ZNF276: variants seen among roughly 807,000 people sequenced by gnomAD.
The protein encoded by ZNF276 is zinc finger protein 276.
Under a neutral mutation model 63.9 loss-of-function variants are expected in ZNF276, and 59 were observed. That is an observed-to-expected ratio of 0.92 (90% CI 0.75 to 1.15). The LOEUF (loss-of-function observed/expected upper bound fraction) is 1.15. Among genes scored for constraint, ZNF276 ranks in the 50% most tolerant of loss-of-function variants. The pLI is 0.00. For synonymous variants in ZNF276, 496 were observed against 348.4 expected (o/e 1.42, Z -4.72); for missense variants, 1,084 against 843.8 (o/e 1.28, Z -3.53).
At chr16:89,721,496 C>A (rs961028105), upstream of ZNF276, 2 of 825,750 alleles carry the variant, frequency 2.4e-6, no homozygotes, top group Middle Eastern at 8.2e-4. Flanking sequence ...CCCTGGCCCG[C>A]CCCGCCCGCC....
chr16:89,736,880 G>A (rs2061931295), intron 9 of ZNF276, among the ~76,000 whole-genome samples: 1 of 151,388 alleles, frequency 6.6e-6, no homozygotes, highest in South Asian at 2.1e-4. Context: ...ACTCCAGCCT[G>A]GGCAACAGAG....
At chr16:89,733,587 C>A (rs374074064) in intron 8 of ZNF276, 30 bp downstream of exon 8, 1 of 1,611,816 alleles carries the variant, frequency 6.2e-7, no homozygotes, top group Admixed American at 1.7e-5. Flanking sequence ...GACCCAGGCC[C>A]GGCAGCTGTC....
intron 6 of ZNF276, among the ~76,000 whole-genome samples, chr16:89,731,327 C>G (rs2061643390): frequency 1.3e-5 from 2 of 152,208 alleles, no homozygotes; most frequent in Non-Finnish European, 2.9e-5. Flanking sequence ...GATCTTGGCT[C>G]ACTGCAACCT....
At chr16:89,736,636 AT>A (rs1181233419) in intron 9 of ZNF276, among the ~76,000 whole-genome samples, 3 of 151,294 alleles carry the variant, frequency 2.0e-5, no homozygotes, top group African/African-American at 7.3e-5. Flanking sequence ...GGCCCCCCAA[AT>A]TTTTTAAATT....
In ZNF276 at chr16:89,739,333, A is replaced by C; in HGVS notation, c.*1087A>C. 1 of 1,612,042 alleles carries C rather than the reference A, an allele frequency of 6.2e-7. No homozygotes were observed. The highest frequency in any genetic ancestry group is 1.1e-5 in the South Asian group (1 of 90,956). On this transcript the variant is annotated 3_prime_UTR_variant, in exon 11 of 11. Coordinates refer to ENST00000443381, the MANE Select transcript of ZNF276 (RefSeq NM_001113525.2). ...TGACAAATGGCTACAGACTGCTGGA[A>C]AGGTAGCAGGTGATGCCAAGGGATA... is the stretch of plus-strand genomic sequence containing the variant.
rs142919010 is a variant in ZNF276 at position 89,740,078 on chromosome 16, C to T, written c.*1832C>T. On this transcript the variant is annotated 3_prime_UTR_variant, in exon 11 of 11. Coordinates refer to ENST00000443381, the MANE Select transcript of ZNF276 (RefSeq NM_001113525.2). Reference sequence around the variant, plus strand: ...AGGATTGCTGCACAAACGTGGAAAGCCTTTGGCAGGTCTGTGGTGCTCTGT... The same window carrying T: ...AGGATTGCTGCACAAACGTGGAAAGTCTTTGGCAGGTCTGTGGTGCTCTGT... 82 of 1,614,154 alleles carry T rather than the reference C, an allele frequency of 5.1e-5. No individual in the cohort carries two copies. The African/African-American group carries it at 9.1e-4, about 18-fold the overall frequency.
intron 6 of ZNF276, chr16:89,732,111 A>G (rs1055105933): frequency 6.6e-6 from 1 of 152,114 alleles, no homozygotes; most frequent in Admixed American, 6.6e-5. Context: ...TGTTCTTGAG[A>G]TATTTCCTTA....
chr16:89,722,806 C>T lies in ZNF276; in HGVS notation c.481C>T (p.Pro161Ser). 6.2e-7 allele frequency: 1 copy of T among 1,605,306 alleles called. No homozygotes were observed. Among genetic ancestry groups the T allele is most frequent in the Non-Finnish European group, 8.5e-7 (1 of 1,179,910 alleles). Reference protein sequence around the residue: ...KSFLQRVNASPAGRRKPCAKV... With the variant: ...KSFLQRVNASSAGRRKPCAKV... ...CTTCCTGCAGAGGGTCAACGCCTCC[C>T]CGGCTGGTCGCCGGAAGCCTTGTGC... The change falls in exon 2 of 11, where the codon CCG (proline) becomes TCG (serine). Residue 161 changes from proline (P) to serine (S), a missense_variant. Coordinates refer to ENST00000443381, the MANE Select transcript of ZNF276 (RefSeq NM_001113525.2).
Position 89,737,810 on chromosome 16 carries a change from G to A in ZNF276, c.1479G>A (p.Val493=), listed in dbSNP as rs757278617. ...QRHVKLIHTE[V]RNYICDECGQ... ...CACTGGACTCTCCCCTCTCAGAGGT[G>A]CGGAACTATATCTGTGACGAATGTG... is the stretch of plus-strand genomic sequence containing the variant. Residue 493 remains valine (V), a synonymous_variant, in exon 10 of 11, where the codon GTG becomes GTA. Coordinates refer to ENST00000443381, the MANE Select transcript of ZNF276 (RefSeq NM_001113525.2). 2 of 1,614,184 alleles carry A rather than the reference G, an allele frequency of 1.2e-6. No homozygotes were observed. The highest frequency in any genetic ancestry group is 1.7e-6 in the Non-Finnish European group (2 of 1,180,028).
chr16:89,720,537 C>A (rs565463571), upstream of ZNF276: 91 of 1,166,608 alleles, frequency 7.8e-5, no homozygotes, highest in South Asian at 3.4e-3. Flanking sequence ...ACCGGCTCAG[C>A]GAGCGGAGTG....
chr16:89,740,746 G>T lies in ZNF276; in HGVS notation c.*2500G>T. 1 of 1,477,222 alleles carries T rather than the reference G, an allele frequency of 6.8e-7. No homozygotes were observed. The highest frequency in any genetic ancestry group is 9.4e-7 in the Non-Finnish European group (1 of 1,060,878). 91.5% of individuals were successfully genotyped at this position (1,477,222 alleles called of 1,614,324 possible). Reference sequence around the variant, plus strand: ...CCCTGACTTGGAAGCTGGCTGCCTGGTGCCCCTGCCTGGCCCACAGTGGGA... The same window carrying T: ...CCCTGACTTGGAAGCTGGCTGCCTGTTGCCCCTGCCTGGCCCACAGTGGGA... On this transcript the variant is annotated 3_prime_UTR_variant, in exon 11 of 11. Transcript: ENST00000443381.
rs753221476 is a variant in ZNF276, at chr16:89,740,415, G to A, written c.*2169G>A. On this transcript the variant is annotated 3_prime_UTR_variant, in exon 11 of 11. Transcript: ENST00000443381. ...AACACTTTGGGAGGCCGAGGTCGGC[G>A]GATCACTGAGGCCAGTTCAAGACCA... The A allele has an allele frequency of 4.1e-5, 19 of 466,802 alleles. No individual in the cohort carries two copies. Among genetic ancestry groups the A allele is most frequent in the Admixed American group, 1.4e-4 (4 of 28,892 alleles). The allele number at this position is 466,802 out of a possible 1,614,324, so 28.9% of individuals were successfully genotyped here. A position where few individuals can be genotyped will look rare whatever the true frequency, so the allele number is the denominator to read the frequency against.
In ZNF276 at chr16:89,729,330, G is replaced by A. The variant is rs754361258; in HGVS notation, c.1169+12G>A. 1.9e-6 allele frequency: 3 copies of A among 1,613,604 alleles called. No individual in the cohort carries two copies. Among genetic ancestry groups the A allele is most frequent in the Admixed American group, 1.7e-5 (1 of 59,992 alleles). ...TACCCAGAAAGGAAGTAAGTGGGCA[G>A]CCCGGGGTCTGCTGGAGGCATCCGT... On this transcript the variant is annotated intron_variant, in intron 6 of 10. Transcript: ENST00000443381.
At chr16:89,736,309 G>A (rs981360917) in intron 9 of ZNF276, among the ~76,000 whole-genome samples, 1 of 149,598 alleles carries the variant, frequency 6.7e-6, no homozygotes, top group Non-Finnish European at 1.5e-5. Flanking sequence ...TTACAGGCAT[G>A]AGCCACCGTG....
intron 4 of ZNF276, 90 bp downstream of exon 4, chr16:89,723,799 C>G (rs955850744): frequency 6.1e-6 from 8 of 1,315,080 alleles, no homozygotes; most frequent in African/African-American, 1.5e-5. Flanking sequence ...CTCCACTGCT[C>G]TAGGTGGTGG....
intron 9 of ZNF276, among the ~76,000 whole-genome samples, chr16:89,736,923 T>C (rs890711425): frequency 6.7e-6 from 1 of 149,146 alleles, no homozygotes. Flanking sequence ...AAGAACAGCG[T>C]AGAGTAAAAT....
chr16:89,728,505 G>A (rs574871633), intron 5 of ZNF276, among the ~76,000 whole-genome samples: 5 of 152,282 alleles, frequency 3.3e-5, no homozygotes, highest in South Asian at 2.1e-4. Flanking sequence ...CCGGGTTCAC[G>A]CCATTCTCCG....
rs551306400 is a variant in ZNF276, at chr16:89,739,551, G to A, written c.*1305G>A. The stretch of plus-strand genomic sequence containing the variant: ...CGGAGGAGGAGCCGCCCCAGCCTGA[G>A]GTCTGCAACACCAAGAAGTGGCTCA... On this transcript the variant is annotated 3_prime_UTR_variant, in exon 11 of 11. Transcript: ENST00000443381. The A allele has an allele frequency of 7.1e-6, 11 of 1,551,202 alleles. No homozygotes were observed. Among genetic ancestry groups the A allele is most frequent in the Middle Eastern group, 1.7e-4 (1 of 5,978 alleles).
chr16:89,739,029 G>C lies in ZNF276; in HGVS notation c.*783G>C, dbSNP rs1023409042. 2 of 1,614,000 alleles carry C rather than the reference G, an allele frequency of 1.2e-6. No homozygotes were observed. The highest frequency in any genetic ancestry group is 2.7e-5 in the African/African-American group (2 of 74,954). ...TAGAAGACATACAGAAACAGGGCTG[G>C]TGTGTCCCCCATAGTCTGCATGCTG... is the stretch of plus-strand genomic sequence containing the variant. On this transcript the variant is annotated 3_prime_UTR_variant, in exon 11 of 11. Coordinates refer to ENST00000443381, the MANE Select transcript of ZNF276 (RefSeq NM_001113525.2).
Sources: allele counts gnomAD v4.1 joint callset (sites outside exome capture counted in the v4.1 genomes callset), GRCh38; gene constraint gnomAD v4.1.1; transcripts MANE v1.5; gene names NCBI Gene and HGNC (gene_info 2026-07-23, HGNC 2026-07-21).